The following JMJD1C variants were observed in gnomAD, a reference collection of about 807,000 sequenced individuals.
The protein encoded by JMJD1C is jumonji domain containing 1C, also known as jumonji domain-containing protein 1C.
Under a neutral mutation model 245.3 loss-of-function variants are expected in JMJD1C, and 31 were observed. That is an observed-to-expected ratio of 0.13 (90% CI 0.09 to 0.17). The LOEUF (loss-of-function observed/expected upper bound fraction) is 0.17, where lower values mean the gene tolerates loss of function less well. Ranked by LOEUF, JMJD1C falls within the 10% of genes least tolerant of loss-of-function variation. JMJD1C has a pLI of 1.00. For synonymous variants in JMJD1C, 1,057 were observed against 1,017.4 expected, an observed-to-expected ratio of 1.04 and a Z score of -0.74; for missense variants, 2,691 against 3,000.2, an observed-to-expected ratio of 0.90 and a Z score of 2.41.
chr10:63,367,605 T>C (rs2134406472), intron 2 of JMJD1C, among the ~76,000 whole-genome samples: 1 of 152,320 alleles, frequency 6.6e-6, no homozygotes, highest in Non-Finnish European at 1.5e-5. Context: ...AAGAAAAATC[T>C]AACTTCAACT....
At chr10:63,220,210 A>C (rs1346864150) in intron 3 of JMJD1C, among the ~76,000 whole-genome samples, 2 of 152,240 alleles carry the variant, frequency 1.3e-5, no homozygotes, top group Non-Finnish European at 1.5e-5. Context: ...CTAAAGTCAA[A>C]ATTTGAAATT....
chr10:63,428,438 C>T (rs1213001347), intron 1 of JMJD1C, among the ~76,000 whole-genome samples: 1 of 152,196 alleles, frequency 6.6e-6, no homozygotes, highest in African/African-American at 2.4e-5. Flanking sequence ...CTTGAAATGT[C>T]AGAACAGTGT....
intron 1 of JMJD1C, among the ~76,000 whole-genome samples, chr10:63,452,193 C>T (rs1952113361): frequency 6.6e-6 from 1 of 152,108 alleles, no homozygotes; most frequent in Non-Finnish European, 1.5e-5. Flanking sequence ...AATCATTTAG[C>T]TGATAAGGTA....
At chr10:63,381,793 A>G (rs574634932) in intron 1 of JMJD1C, among the ~76,000 whole-genome samples, 21 of 152,332 alleles carry the variant, frequency 1.4e-4, no homozygotes, top group African/African-American at 4.8e-4. Flanking sequence ...AACCATAACT[A>G]TATCAAGTAA....
chr10:63,382,702 C>T (rs1947308265), intron 1 of JMJD1C: 2 of 446,110 alleles, frequency 4.5e-6, no homozygotes, highest in Admixed American at 4.8e-5. Flanking sequence ...AATCATTCAA[C>T]CCTTCGCTCC....
At chr10:63,474,732 G>A (rs1431220602) in intron 1 of JMJD1C, among the ~76,000 whole-genome samples, 2 of 152,048 alleles carry the variant, frequency 1.3e-5, no homozygotes, top group Non-Finnish European at 1.5e-5. Context: ...CTGCAGGCAT[G>A]AGCCACCGTG....
chr10:63,389,311 C>CAAAAAAAAAA (rs1185397734), intron 1 of JMJD1C, among the ~76,000 whole-genome samples: 8 of 64,600 alleles, frequency 1.2e-4, no homozygotes, highest in Admixed American at 1.9e-4. Context: ...GACCCTGTCT[C>CAAAAAAAAAA]AAAAAAAAAA....
intron 2 of JMJD1C, among the ~76,000 whole-genome samples, chr10:63,289,569 T>C (rs1331516450): frequency 1.3e-5 from 2 of 152,220 alleles, no homozygotes; most frequent in Non-Finnish European, 2.9e-5. Context: ...TTTTCATGAA[T>C]AGTGACAAGC....
chr10:63,191,769 G>A (rs1168884073), intron 16 of JMJD1C, among the ~76,000 whole-genome samples: 3 of 151,782 alleles, frequency 2.0e-5, no homozygotes, highest in East Asian at 3.9e-4. Context: ...CGGATCACTT[G>A]AGGTCAGGAG....
intron 2 of JMJD1C, among the ~76,000 whole-genome samples, chr10:63,349,892 A>G (rs1944200839): frequency 6.6e-6 from 1 of 152,182 alleles, no homozygotes; most frequent in South Asian, 2.1e-4. Context: ...CAGATTGATA[A>G]CTGGTAAAGA....
chr10:63,439,498 T>C (rs957479901), intron 1 of JMJD1C, among the ~76,000 whole-genome samples: 2 of 152,200 alleles, frequency 1.3e-5, no homozygotes, highest in African/African-American at 4.8e-5. Flanking sequence ...AATATATCCC[T>C]GACTCTCAAC....
Position 63,326,185 on chromosome 10 carries a change from T to C in JMJD1C, c.333+54133A>G, listed in dbSNP as rs187396385. Among the ~76,000 whole-genome samples the C allele has an allele frequency of 3.4e-3, 515 of 152,148 alleles. 3 individuals are homozygous for C. The highest frequency in any genetic ancestry group is 5.9e-3 in the Non-Finnish European group (401 of 68,012). On this transcript the variant is annotated intron_variant, in intron 2 of 25. Coordinates refer to ENST00000399262, the MANE Select transcript of JMJD1C (RefSeq NM_032776.3). ...ATTTCTGAGAAGTGTAATAACACAG[T>C]GAAAGCCGTGTTTAAAGATGATAAA...
chr10:63,231,329 A>G (rs1358667693), intron 3 of JMJD1C, among the ~76,000 whole-genome samples: 1 of 152,228 alleles, frequency 6.6e-6, no homozygotes, highest in Non-Finnish European at 1.5e-5. Context: ...CCAGCTTTTT[A>G]CAAAGCAAGC....
chr10:63,214,265 G>T lies in JMJD1C; in HGVS notation c.1902C>A (p.His634Gln). The change falls in exon 8 of 26, where the codon CAC becomes CAA. Residue 634 changes from histidine to glutamine, a missense_variant. This residue lies in a region of JMJD1C where 1,562 missense variants were observed against 1,490.7 expected (regional missense o/e 1.05). Transcript: ENST00000399262. The stretch of plus-strand genomic sequence containing the variant: ...CAGGTGATGGGCTGGATTTTATCTT[G>T]TGAGTATCTACTGAAGTATTAAGTT... ...KSKLNTSVDT[H>Q]KIKSSPSPEV... The T allele has an allele frequency of 6.2e-7, 1 of 1,613,980 alleles. No individual in the cohort carries two copies. The highest frequency in any genetic ancestry group is 8.5e-7 in the Non-Finnish European group (1 of 1,179,960).
rs759063415 is a variant in JMJD1C at position 63,185,526 on chromosome 10, C to A, written c.6830+37G>T. ...TCTCTGGGGACAGTCTTAGCTCGAT[C>A]TCAAAAAGTCAAGAGTCAAAATGAA... On this transcript the variant is annotated intron_variant, in intron 20 of 25. Coordinates refer to ENST00000399262, the MANE Select transcript of JMJD1C (RefSeq NM_032776.3). The A allele has an allele frequency of 7.5e-6, 9 of 1,201,564 alleles. No individual in the cohort carries two copies. In the South Asian group the frequency reaches 1.1e-4, roughly 15 times the overall value. The allele number at this position is 1,201,564 out of a possible 1,614,324, so 74.4% of individuals were successfully genotyped here.
intron 24 of JMJD1C, among the ~76,000 whole-genome samples, chr10:63,172,924 G>A (rs1166346934): frequency 6.7e-6 from 1 of 148,724 alleles, no homozygotes; most frequent in Non-Finnish European, 1.5e-5. Flanking sequence ...TGAGACAGAG[G>A]GGGAAGTGTG....
intron 1 of JMJD1C, among the ~76,000 whole-genome samples, chr10:63,411,007 A>G (rs549568831): frequency 6.6e-6 from 1 of 152,326 alleles, no homozygotes; most frequent in East Asian, 1.9e-4. Context: ...TGGTCCTCAG[A>G]GCAATGAAAG....
At chr10:63,270,040 T>C (rs372593830) in intron 2 of JMJD1C, among the ~76,000 whole-genome samples, 39 of 152,192 alleles carry the variant, frequency 2.6e-4, no homozygotes, top group East Asian at 1.5e-3. Flanking sequence ...TATTTTGACA[T>C]ATTGGGTTAA....
chr10:63,347,411 G>A (rs977208648), intron 2 of JMJD1C, among the ~76,000 whole-genome samples: 13 of 150,352 alleles, frequency 8.6e-5, no homozygotes, highest in Admixed American at 2.0e-4. Context: ...GTGAAACCCC[G>A]ACTCTAATAA....
Sources: allele counts gnomAD v4.1 joint callset (sites outside exome capture counted in the v4.1 genomes callset), GRCh38; gene constraint gnomAD v4.1.1; regional missense constraint gnomAD v4.1.1; transcripts MANE v1.5; gene names NCBI Gene and HGNC (gene_info 2026-07-23, HGNC 2026-07-21).